Variants in DPP6 observed in about 807,000 individuals in gnomAD.
DPP6 encodes the protein dipeptidyl peptidase like 6, also known as A-type potassium channel modulatory protein DPP6.
A neutral mutation model predicts 122.6 loss-of-function variants in DPP6; 69 were observed. That is an observed-to-expected ratio of 0.56 (90% CI 0.46 to 0.69). DPP6 has a LOEUF of 0.69. Ranked by LOEUF, DPP6 falls within the 30% of genes least tolerant of loss-of-function variation. The pLI is 0.00. For missense variants in DPP6, 928 were observed against 1,116.9 expected (o/e 0.83, Z 2.41); for synonymous variants, 418 against 433.1 (o/e 0.97, Z 0.43).
intron 12 of DPP6, among the ~76,000 whole-genome samples, chr7:154,799,965 G>A (rs1587179409): frequency 2.0e-5 from 3 of 152,152 alleles, no homozygotes. Flanking sequence ...AACGGTGGAG[G>A]CCTTCTTATT....
the DPP6 span, among the ~76,000 whole-genome samples, chr7:153,878,372 T>A: frequency 6.8e-6 from 1 of 147,216 alleles, no homozygotes; most frequent in Non-Finnish European, 1.5e-5. Context: ...TTAGTGCCTA[T>A]CCAAGCAAAA....
At chr7:154,429,068 A>C (rs371839005) in intron 1 of DPP6, among the ~76,000 whole-genome samples, 1 of 151,792 alleles carries the variant, frequency 6.6e-6, no homozygotes, top group Non-Finnish European at 1.5e-5. Context: ...TAGTCAAAGC[A>C]CCACTGATTT....
intron 7 of DPP6, among the ~76,000 whole-genome samples, chr7:154,713,825 T>C (rs4960600): frequency 0.75 from 114,380 of 152,158 alleles, 45,383 homozygotes; most frequent in Non-Finnish European, 0.88. Flanking sequence ...TAACATTGGG[T>C]TCCTTGTTAC....
At chr7:154,471,299 A>G (rs1357697449) in intron 2 of DPP6, among the ~76,000 whole-genome samples, 5 of 152,168 alleles carry the variant, frequency 3.3e-5, no homozygotes, top group African/African-American at 1.2e-4. Flanking sequence ...AAAAACAAGA[A>G]CAGGAGTTCT....
At chr7:154,492,108 A>G (rs141905885) in intron 3 of DPP6, among the ~76,000 whole-genome samples, 209 of 152,324 alleles carry the variant, frequency 1.4e-3, no homozygotes, top group African/African-American at 4.9e-3. Flanking sequence ...TTGTTAGATG[A>G]CTTGGGATCA....
At chr7:154,501,277 T>G (rs1015704851) in intron 3 of DPP6, among the ~76,000 whole-genome samples, 3 of 151,856 alleles carry the variant, frequency 2.0e-5, no homozygotes, top group Non-Finnish European at 4.4e-5. Flanking sequence ...TTTTCTGAGG[T>G]GAAATTCAAG....
intron 8 of DPP6, among the ~76,000 whole-genome samples, chr7:154,758,003 C>T (rs143990604): frequency 2.6e-5 from 4 of 152,298 alleles, no homozygotes; most frequent in East Asian, 1.9e-4. Flanking sequence ...TCTCCCGCCA[C>T]GCACGGCCTC....
the DPP6 span, among the ~76,000 whole-genome samples, chr7:153,808,265 C>CTG: frequency 1.4e-5 from 2 of 145,722 alleles, no homozygotes; most frequent in African/African-American, 5.1e-5. Flanking sequence ...GCGTGTGTGC[C>CTG]TGTGTGTGCG....
intron 1 of DPP6, among the ~76,000 whole-genome samples, chr7:154,160,837 C>T (rs565711525): frequency 1.4e-4 from 21 of 152,186 alleles, no homozygotes; most frequent in Admixed American, 7.9e-4. Flanking sequence ...TATCCTAATA[C>T]AGTCAGAAGA....
chr7:154,197,522 G>A (rs908213455), intron 1 of DPP6, among the ~76,000 whole-genome samples: 1 of 152,072 alleles, frequency 6.6e-6, no homozygotes, highest in East Asian at 1.9e-4. Flanking sequence ...TCCTGATTTC[G>A]CTTTTGCAAA....
intron 1 of DPP6, among the ~76,000 whole-genome samples, chr7:154,261,403 G>A (rs1036840653): frequency 1.3e-5 from 2 of 152,142 alleles, no homozygotes; most frequent in African/African-American, 4.8e-5. Context: ...ATGGATCAAG[G>A]ACTTAAGTCT....
At chr7:154,693,654 T>C (rs543206048) in intron 7 of DPP6, among the ~76,000 whole-genome samples, 47 of 152,196 alleles carry the variant, frequency 3.1e-4, no homozygotes, top group Non-Finnish European at 5.1e-4. Flanking sequence ...AGGCCCACAC[T>C]CCTGAGGGGG....
At chr7:154,842,270 T>A (rs563156516) in intron 16 of DPP6, among the ~76,000 whole-genome samples, 2 of 152,260 alleles carry the variant, frequency 1.3e-5, no homozygotes, top group Non-Finnish European at 2.9e-5. Flanking sequence ...GTTTACATAC[T>A]AGGAGTTTAG....
intron 1 of DPP6, among the ~76,000 whole-genome samples, chr7:154,324,868 T>TTTTA (rs1554518344): frequency 0.083 from 868 of 10,418 alleles, 37 homozygotes; most frequent in East Asian, 0.47. Flanking sequence ...CCTTTTGTTA[T>TTTTA]TTTTTTTTTT....
intron 16 of DPP6, among the ~76,000 whole-genome samples, chr7:154,841,570 T>C (rs1801549622): frequency 6.6e-6 from 1 of 152,046 alleles, no homozygotes; most frequent in African/African-American, 2.4e-5. Context: ...TTTGGGAATG[T>C]ACTGAGAACC....
At chr7:154,416,076 C>T (rs981025428) in intron 1 of DPP6, among the ~76,000 whole-genome samples, 1 of 152,008 alleles carries the variant, frequency 6.6e-6, no homozygotes, top group African/African-American at 2.4e-5. Context: ...CAGAGATAAA[C>T]AATTCATAGG....
chr7:154,780,396 G>T (rs775749050), intron 10 of DPP6, among the ~76,000 whole-genome samples: 31 of 152,222 alleles, frequency 2.0e-4, no homozygotes, highest in Admixed American at 3.9e-4. Context: ...AGGGCAGCTG[G>T]ATTGTTCTGA....
chr7:153,753,601 G>C, the DPP6 span, among the ~76,000 whole-genome samples: 2 of 151,866 alleles, frequency 1.3e-5, no homozygotes, highest in African/African-American at 4.8e-5. Context: ...TGTGAAGGTG[G>C]ATATTTAACA....
rs1158332977 is a variant in DPP6 at position 154,607,986 on chromosome 7, CT to C, written c.628-29824del. Reference sequence around the variant, plus strand: ...ATATTTAGTTTTTTCTTTTTTTTTTCTTTTTTTTTTTGAGACAGAGTCTCGC... The same window carrying C: ...ATATTTAGTTTTTTCTTTTTTTTTTCTTTTTTTTTTGAGACAGAGTCTCGC... On this transcript the variant is annotated intron_variant, in intron 5 of 25. Coordinates refer to ENST00000377770, the MANE Select transcript of DPP6 (RefSeq NM_130797.4). Among the ~76,000 whole-genome samples the C allele has an allele frequency of 3.8e-4, 39 of 102,130 alleles. 2 individuals carry two copies. The highest frequency in any genetic ancestry group is 9.0e-4 in the African/African-American group (30 of 33,240). The allele number at this position is 102,130 out of a possible 152,430, so 67.0% of individuals were successfully genotyped here. A position where few individuals can be genotyped will look rare whatever the true frequency, so the allele number is the denominator to read the frequency against.
Sources: gnomAD v4.1 joint callset for allele counts (sites outside exome capture counted in the v4.1 genomes callset) on GRCh38, gnomAD v4.1.1 for gene constraint, MANE v1.5 for transcripts, NCBI Gene and HGNC (gene_info 2026-07-23, HGNC 2026-07-21) for gene names.